C12orf42: variants seen among roughly 807,000 people sequenced by gnomAD.
C12orf42 encodes the protein uncharacterized protein C12orf42.
Under a neutral mutation model 21.6 loss-of-function variants are expected in C12orf42, and 25 were observed. That is an observed-to-expected ratio of 1.16 (90% CI 0.84 to 1.62). C12orf42 has a LOEUF of 1.62. C12orf42 is among the 40% of genes most tolerant of loss of function. The pLI is 0.00. For missense variants in C12orf42, 483 were observed against 459.3 expected (o/e 1.05, Z -0.47); for synonymous variants, 174 against 175.0 (o/e 0.99, Z 0.05).
the C12orf42 span, among the ~76,000 whole-genome samples, chr12:103,197,015 G>A: frequency 1.3e-5 from 2 of 152,134 alleles, no homozygotes; most frequent in East Asian, 1.9e-4. Context: ...AGTGTCATTG[G>A]TCTATGGACT....
At chr12:103,543,450 A>T in the C12orf42 span, among the ~76,000 whole-genome samples, 1 of 151,870 alleles carries the variant, frequency 6.6e-6, no homozygotes, top group South Asian at 2.1e-4. Flanking sequence ...TCTCTACAAA[A>T]TTTTTTAATA....
chr12:103,334,846 C>T, intron 4 of C12orf42, among the ~76,000 whole-genome samples: 1 of 152,190 alleles, frequency 6.6e-6, no homozygotes, highest in East Asian at 1.9e-4. Context: ...AAAATGTCCG[C>T]TTCATTGCCA....
the C12orf42 span, among the ~76,000 whole-genome samples, chr12:103,524,994 ATTTT>A: frequency 1.4e-5 from 2 of 146,700 alleles, no homozygotes; most frequent in African/African-American, 5.0e-5. Context: ...GTCTGGGGAG[ATTTT>A]TTTGTTTGTT....
intron 5 of C12orf42, chr12:103,273,929 G>A (rs757065299): frequency 8.8e-5 from 40 of 455,922 alleles, no homozygotes; most frequent in South Asian, 4.6e-5. Context: ...AGTGCTTTTC[G>A]CATACTCACA....
At chr12:103,176,575 C>T in the C12orf42 span, among the ~76,000 whole-genome samples, 1 of 152,142 alleles carries the variant, frequency 6.6e-6, no homozygotes, top group East Asian at 1.9e-4. Context: ...TGTCATTTAA[C>T]TCTCATAACA....
intron 3 of C12orf42, among the ~76,000 whole-genome samples, chr12:103,401,114 A>G (rs2047949232): frequency 6.6e-6 from 1 of 152,200 alleles, no homozygotes. Flanking sequence ...GCATATGCAC[A>G]TCGTAGGGAC....
At chr12:103,460,189 C>T (rs149129026) in intron 2 of C12orf42, among the ~76,000 whole-genome samples, 2 of 151,866 alleles carry the variant, frequency 1.3e-5, no homozygotes, top group African/African-American at 2.4e-5. Flanking sequence ...AGCAGGCAAC[C>T]TTTACACAAT....
the C12orf42 span, among the ~76,000 whole-genome samples, chr12:103,182,349 G>A: frequency 2.6e-5 from 4 of 152,186 alleles, no homozygotes; most frequent in African/African-American, 9.7e-5. Flanking sequence ...GCTGAGAACG[G>A]ATTAGTTATC....
chr12:103,531,247 A>G, the C12orf42 span, among the ~76,000 whole-genome samples: 4 of 152,340 alleles, frequency 2.6e-5, no homozygotes, highest in African/African-American at 9.6e-5. Flanking sequence ...GCTAACTTTT[A>G]GGCTGGGCAG....
At chr12:103,169,303 T>A in the C12orf42 span, among the ~76,000 whole-genome samples, 1 of 152,062 alleles carries the variant, frequency 6.6e-6, no homozygotes, top group African/African-American at 2.4e-5. Flanking sequence ...CACTGCCTCC[T>A]CAAGCTCATC....
chr12:103,496,776 C>G (rs868737537), upstream of C12orf42, among the ~76,000 whole-genome samples: 40 of 146,856 alleles, frequency 2.7e-4, no homozygotes, highest in Admixed American at 1.3e-3. Flanking sequence ...CCCTCCCCAC[C>G]ACCCCACACA....
chr12:103,446,840 T>C (rs1480228818), intron 2 of C12orf42, among the ~76,000 whole-genome samples: 4 of 151,898 alleles, frequency 2.6e-5, no homozygotes, highest in South Asian at 4.1e-4. Context: ...GCACGTAACA[T>C]TGGAGTTCCT....
chr12:103,077,867 A>G, the C12orf42 span, among the ~76,000 whole-genome samples: 6 of 152,308 alleles, frequency 3.9e-5, no homozygotes, highest in East Asian at 1.2e-3. Flanking sequence ...AGAGTCCACA[A>G]TAGTTGCCCT....
chr12:103,070,267 C>T, the C12orf42 span, among the ~76,000 whole-genome samples: 1,628 of 152,212 alleles, frequency 0.011, 12 homozygotes, highest in South Asian at 0.019. Flanking sequence ...GGCAGCTCCA[C>T]AGGCTAATTT....
chr12:103,516,894 G>A, the C12orf42 span, among the ~76,000 whole-genome samples: 4 of 152,128 alleles, frequency 2.6e-5, no homozygotes, highest in Non-Finnish European at 2.9e-5. Context: ...TAGAGAGCAC[G>A]GGTTCTTGCA....
chr12:103,520,150 G>A, the C12orf42 span, among the ~76,000 whole-genome samples: 2 of 152,148 alleles, frequency 1.3e-5, no homozygotes, highest in Non-Finnish European at 2.9e-5. Context: ...GGAAAGCCAT[G>A]ATGTATGGTG....
At chr12:103,424,071 C>A (rs1198591023) in intron 2 of C12orf42, among the ~76,000 whole-genome samples, 2 of 152,042 alleles carry the variant, frequency 1.3e-5, no homozygotes, top group Admixed American at 6.5e-5. Flanking sequence ...GAATGGAGGA[C>A]ATTGCAACTT....
At chr12:103,054,440 A>G in the C12orf42 span, among the ~76,000 whole-genome samples, 1 of 151,800 alleles carries the variant, frequency 6.6e-6, no homozygotes, top group Non-Finnish European at 1.5e-5. Flanking sequence ...ATATCCTGCA[A>G]CCTTGCTGAA....
the C12orf42 span, among the ~76,000 whole-genome samples, chr12:103,191,497 C>T: frequency 8.7e-6 from 1 of 115,540 alleles, no homozygotes; most frequent in Non-Finnish European, 1.6e-5. Flanking sequence ...TACTTGAGTT[C>T]AGGAGCTCAA....
Sources: allele counts gnomAD v4.1 joint callset (sites outside exome capture counted in the v4.1 genomes callset), GRCh38; gene constraint gnomAD v4.1.1; transcripts MANE v1.5; gene names NCBI Gene and HGNC (gene_info 2026-07-23, HGNC 2026-07-21).